The following TBC1D24 variants were observed in gnomAD, a reference collection of about 807,000 sequenced individuals.
The protein encoded by TBC1D24 is TBC1 domain family member 24.
Under a neutral mutation model 50.7 loss-of-function variants are expected in TBC1D24, and 47 were observed. That is an observed-to-expected ratio of 0.93 (90% CI 0.73 to 1.18). The LOEUF (loss-of-function observed/expected upper bound fraction) is 1.18. Ranked by LOEUF, TBC1D24 falls within the 50% of genes most tolerant of loss-of-function variation. The pLI is 0.00. For missense variants in TBC1D24, 688 were observed against 766.5 expected, an observed-to-expected ratio of 0.90 and a Z score of 1.21; for synonymous variants, 324 against 335.2, an observed-to-expected ratio of 0.97 and a Z score of 0.36.
In TBC1D24 at chr16:2,483,553, T is replaced by G. The variant is rs2065626184; in HGVS notation, c.-116+8383T>G. On this transcript the variant is annotated intron_variant, in intron 1 of 7. Transcript: ENST00000646147. The surrounding 1 kb of genome is among the most constrained non-coding windows in gnomAD (Gnocchi z 4.0). ...GTGTATGAATGTGCAGCCTCTGGAG[T>G]GGGTAGAGTGGTTTTCTGGAATGCC... is the stretch of plus-strand genomic sequence containing the variant. 1 of 150,312 alleles carries G rather than the reference T, an allele frequency of 6.7e-6. No homozygotes were observed. The highest frequency in any genetic ancestry group is 1.5e-5 in the Non-Finnish European group (1 of 67,678). 9.3% of individuals were successfully genotyped at this position (150,312 alleles called of 1,614,324 possible).
rs1431287167 is a variant in TBC1D24, at chr16:2,504,532, C to T, written c.*3574C>T. The T allele has an allele frequency of 1.3e-5, 2 of 151,534 alleles. No homozygotes were observed. The highest frequency in any genetic ancestry group is 2.9e-5 in the Non-Finnish European group (2 of 68,020). The allele number at this position is 151,534 out of a possible 1,614,324, so 9.4% of individuals were successfully genotyped here. A position where few individuals can be genotyped will look rare whatever the true frequency, so the allele number is the denominator to read the frequency against. ...CTCCCGGATTCACGCCATTCTCCTG[C>T]CTCAGCCTCCTGAGTAGCTGGGACT... On this transcript the variant is annotated 3_prime_UTR_variant, in exon 8 of 8. Coordinates refer to ENST00000646147, the MANE Select transcript of TBC1D24 (RefSeq NM_001199107.2).
At chr16:2,494,162 C>G (rs1179277343) in intron 1 of TBC1D24, among the ~76,000 whole-genome samples, 1 of 152,198 alleles carries the variant, frequency 6.6e-6, no homozygotes, top group Non-Finnish European at 1.5e-5. Context: ...GCCTGTAATC[C>G]CAACACTTTG....
rs892304129 is a variant in TBC1D24, at chr16:2,502,299, C to T, written c.*1341C>T. ...CCATGCCCCATGACCTCCTTCAACT[C>T]GTCTTGAGGGTCTGGTCACCACGGA... On this transcript the variant is annotated 3_prime_UTR_variant, in exon 8 of 8. Coordinates refer to ENST00000646147, the MANE Select transcript of TBC1D24 (RefSeq NM_001199107.2). 4 of 152,356 alleles carry T rather than the reference C, an allele frequency of 2.6e-5. No homozygotes were observed. Among genetic ancestry groups the T allele is most frequent in the Non-Finnish European group, 4.4e-5 (3 of 68,116 alleles). 9.4% of individuals were successfully genotyped at this position (152,356 alleles called of 1,614,324 possible).
chr16:2,476,686 C>T (rs1251824012), intron 1 of TBC1D24: 3 of 152,296 alleles, frequency 2.0e-5, no homozygotes, highest in Non-Finnish European at 4.4e-5. Flanking sequence ...GAGGTTTTCT[C>T]TACATGATGG....
In TBC1D24 at chr16:2,498,217, AC is replaced by A; in HGVS notation, c.984-17del. On this transcript the variant is annotated intron_variant, in intron 3 of 7. Transcript: ENST00000646147. ...GCCCCAGACGTGCCTTCGGGCTCTG[AC>A]CCCTGCTCGCTCCCCTCAGGCAGTT... 4 of 1,589,424 alleles carry A rather than the reference AC, an allele frequency of 2.5e-6. No individual in the cohort carries two copies. The highest frequency in any genetic ancestry group is 3.4e-6 in the Non-Finnish European group (4 of 1,167,256).
At chr16:2,488,910 A>C (rs1433213780) in intron 1 of TBC1D24, among the ~76,000 whole-genome samples, 1 of 150,358 alleles carries the variant, frequency 6.7e-6, no homozygotes, top group African/African-American at 2.4e-5. Context: ...AATACAAAAA[A>C]AAAAAAAAAA....
rs2141883935 is a variant in TBC1D24, at chr16:2,505,630, T to A, written c.*4672T>A. 6.6e-6 allele frequency: 1 copy of A among 152,382 alleles called. No individual in the cohort carries two copies. The highest frequency in any genetic ancestry group is 1.9e-4 in the East Asian group (1 of 5,192). The allele number at this position is 152,382 out of a possible 1,614,324, so 9.4% of individuals were successfully genotyped here. ...GTGTAGTGAGCACAAATGTATGGAT[T>A]TGCAGCACAATCCAACTTTGAAAAT... On this transcript the variant is annotated 3_prime_UTR_variant, in exon 8 of 8. Coordinates refer to ENST00000646147, the MANE Select transcript of TBC1D24 (RefSeq NM_001199107.2).
intron 1 of TBC1D24, among the ~76,000 whole-genome samples, chr16:2,494,547 T>A (rs2065722107): frequency 6.6e-6 from 1 of 150,564 alleles, no homozygotes; most frequent in Non-Finnish European, 1.5e-5. Flanking sequence ...CATGCTCGAG[T>A]GGAAAGGTGT....
At position 2,504,440 on chromosome 16, in the gene TBC1D24, A is replaced by T. The variant is rs886103308; in HGVS notation, c.*3482A>T. On this transcript the variant is annotated 3_prime_UTR_variant, in exon 8 of 8. Coordinates refer to ENST00000646147, the MANE Select transcript of TBC1D24 (RefSeq NM_001199107.2). The stretch of plus-strand genomic sequence containing the variant: ...TTTTTTTTTTTTTTTTTTTTTTGAG[A>T]CAGAGTCTCGCTCTGTCGCCCAGGC... The T allele has an allele frequency of 4.3e-5, 5 of 117,034 alleles. No individual in the cohort carries two copies. Among genetic ancestry groups the T allele is most frequent in the African/African-American group, 9.1e-5 (2 of 22,094 alleles). 7.2% of individuals were successfully genotyped at this position (117,034 alleles called of 1,614,324 possible).
At chr16:2,480,287 C>A (rs779800205) in intron 1 of TBC1D24, 4 of 152,060 alleles carry the variant, frequency 2.6e-5, no homozygotes, top group African/African-American at 2.4e-5. Context: ...CTTGCCACCA[C>A]ACCTTCCTGA....
At chr16:2,494,411 CAA>C (rs1350473333) in intron 1 of TBC1D24, among the ~76,000 whole-genome samples, 38 of 117,786 alleles carry the variant, frequency 3.2e-4, no homozygotes, top group Admixed American at 2.7e-4. Context: ...GACTCTGTCT[CAA>C]AAAAAAAAAA....
intron 1 of TBC1D24, chr16:2,480,165 C>T (rs944775591): frequency 6.6e-6 from 1 of 150,506 alleles, no homozygotes; most frequent in Non-Finnish European, 1.5e-5. Context: ...GGGTCTTGCT[C>T]TGTTGTCCAG....
At position 2,496,979 on chromosome 16, in the gene TBC1D24, G is replaced by C; in HGVS notation, c.831G>C (p.Ala277=). The C allele has an allele frequency of 1.9e-6, 3 of 1,613,980 alleles. No individual in the cohort carries two copies. Among genetic ancestry groups the C allele is most frequent in the Non-Finnish European group, 2.5e-6 (3 of 1,180,050 alleles). ...QDIRTFVRDI[A]KTVSPEKLLE... ...TCCGCACGTTCGTCAGAGACATCGC[G>C]AAGACGGTGTCCCCTGAGAAGCTGC... is the stretch of plus-strand genomic sequence containing the variant. The change falls in exon 2 of 8, where the codon GCG becomes GCC. Residue 277 remains alanine, a synonymous_variant. Coordinates refer to ENST00000646147, the MANE Select transcript of TBC1D24 (RefSeq NM_001199107.2).
intron 4 of TBC1D24, among the ~76,000 whole-genome samples, chr16:2,498,801 T>C (rs2065766241): frequency 6.6e-6 from 1 of 152,114 alleles, no homozygotes; most frequent in African/African-American, 2.4e-5. Flanking sequence ...CCAGGGAGCC[T>C]CCCTCCAGCC....
intron 1 of TBC1D24, among the ~76,000 whole-genome samples, chr16:2,490,558 T>G (rs1350518091): frequency 6.6e-6 from 1 of 152,170 alleles, no homozygotes; most frequent in Non-Finnish European, 1.5e-5. Flanking sequence ...GAGAGTGGGA[T>G]AGACTGTTCA....
intron 1 of TBC1D24, among the ~76,000 whole-genome samples, chr16:2,476,138 G>A (rs1428739767): frequency 6.6e-6 from 1 of 152,238 alleles, no homozygotes; most frequent in East Asian, 1.9e-4. Context: ...TGTTTGCTCT[G>A]GAGTCACCAG....
chr16:2,498,332 C>T lies in TBC1D24; in HGVS notation c.1078C>T (p.Arg360Cys), dbSNP rs1057519629. The T allele has an allele frequency of 9.3e-6, 15 of 1,610,172 alleles. No individual in the cohort carries two copies. Among genetic ancestry groups the T allele is most frequent in the Admixed American group, 1.7e-5 (1 of 59,610 alleles). The part of the protein sequence containing the change: ...MRDIWSWVPE[R>C]FALCQPLLLF... Reference sequence around the variant, plus strand: ...AGACATCTGGTCCTGGGTCCCCGAGCGCTTTGCCCTGTGCCAGCCCCTTCT... The same window carrying T: ...AGACATCTGGTCCTGGGTCCCCGAGTGCTTTGCCCTGTGCCAGCCCCTTCT... Residue 360 changes from arginine (R) to cysteine (C), a missense_variant, in exon 4 of 8, where the codon CGC (arginine) becomes TGC (cysteine). Arg to Cys is a radical substitution (Grantham distance 180). Coordinates refer to ENST00000646147, the MANE Select transcript of TBC1D24 (RefSeq NM_001199107.2).
rs1355045878 is a variant in TBC1D24 at position 2,475,736 on chromosome 16, G to T, written c.-116+566G>T. Among the ~76,000 whole-genome samples the T allele has an allele frequency of 2.6e-5, 4 of 152,158 alleles. No individual in the cohort carries two copies. Among genetic ancestry groups the T allele is most frequent in the Admixed American group, 2.0e-4 (3 of 15,290 alleles). On this transcript the variant is annotated intron_variant, in intron 1 of 7. Transcript: ENST00000646147. The surrounding 1 kb of genome is among the most constrained non-coding windows in gnomAD (Gnocchi z 4.2). ...GTGCCAGGCGGCCGCTGTCCTTCGG[G>T]CCCTGGGAGGTGGAAGCCAGGGACT...
At chr16:2,479,821 C>G (rs943128976) in intron 1 of TBC1D24, 2 of 152,382 alleles carry the variant, frequency 1.3e-5, no homozygotes, top group African/African-American at 4.8e-5. Context: ...TTTCTTTTCT[C>G]TTTTTGTTAA....
Sources: gnomAD v4.1 joint callset for allele counts (sites outside exome capture counted in the v4.1 genomes callset) on GRCh38, gnomAD v4.1.1 for gene constraint, Gnocchi (gnomAD v3.1) non-coding constraint, MANE v1.5 for transcripts, NCBI Gene and HGNC (gene_info 2026-07-23, HGNC 2026-07-21) for gene names.